The following CACNA1D variants were observed in gnomAD, a reference collection of about 807,000 sequenced individuals.
CACNA1D encodes the protein voltage-dependent L-type calcium channel subunit alpha-1D.
Under a neutral mutation model 257.1 loss-of-function variants are expected in CACNA1D, and 55 were observed. The ratio of observed to expected loss-of-function variants is 0.21; its 90% CI spans 0.17 to 0.27. The LOEUF (loss-of-function observed/expected upper bound fraction) is 0.27, where lower values mean the gene tolerates loss of function less well. CACNA1D is among the 10% of genes least tolerant of loss of function. The pLI is 1.00. For synonymous variants in CACNA1D, 980 were observed against 1,014.9 expected, an observed-to-expected ratio of 0.97 and a Z score of 0.65; for missense variants, 1,876 against 2,784.0, an observed-to-expected ratio of 0.67 and a Z score of 7.34.
intron 46 of CACNA1D, 113 bp downstream of exon 46, chr3:53,808,883 T>G (rs2095581445): frequency 4.7e-6 from 5 of 1,062,480 alleles, no homozygotes; most frequent in Non-Finnish European, 7.0e-6. Flanking sequence ...GAGAGAATCT[T>G]CACCTACAGT....
intron 3 of CACNA1D, among the ~76,000 whole-genome samples, chr3:53,547,471 G>A (rs929687424): frequency 1.3e-5 from 2 of 152,192 alleles, no homozygotes; most frequent in African/African-American, 2.4e-5. Flanking sequence ...GAGAGACTTG[G>A]TCCCCTCATC....
chr3:53,792,160 T>TC (rs2095486630), intron 40 of CACNA1D: 2 of 152,168 alleles, frequency 1.3e-5, no homozygotes. Flanking sequence ...GAAGGAAAAT[T>TC]CCCCCCTTTT....
intron 40 of CACNA1D, among the ~76,000 whole-genome samples, chr3:53,792,790 G>T (rs2106664742): frequency 6.6e-6 from 1 of 152,252 alleles, no homozygotes. Flanking sequence ...ATTTGCCCTT[G>T]GCTGCAGTCC....
chr3:53,616,486 A>G (rs1438435676), intron 3 of CACNA1D, among the ~76,000 whole-genome samples: 1 of 152,186 alleles, frequency 6.6e-6, no homozygotes, highest in Non-Finnish European at 1.5e-5. Context: ...TCTGCCATCC[A>G]AACAGATGCA....
At chr3:53,803,395 G>A in intron 43 of CACNA1D, 28 bp from the exon 44 acceptor site, 2 of 1,613,944 alleles carry the variant, frequency 1.2e-6, no homozygotes, top group South Asian at 2.2e-5. Context: ...GCCTGCCCAG[G>A]TTCTCAGATC....
intron 37 of CACNA1D, among the ~76,000 whole-genome samples, chr3:53,778,216 C>T (rs1313418101): frequency 6.6e-6 from 1 of 152,052 alleles, no homozygotes; most frequent in Admixed American, 6.5e-5. Context: ...TTTCCATAAA[C>T]TTCCCAGTAC....
chr3:53,802,006 G>C (rs1282027139), intron 42 of CACNA1D, 141 bp from the exon 43 acceptor site: 2 of 785,280 alleles, frequency 2.5e-6, no homozygotes, highest in East Asian at 2.4e-5. Flanking sequence ...TACAAGGCCA[G>C]GTGGCAGCCC....
intron 3 of CACNA1D, among the ~76,000 whole-genome samples, chr3:53,512,016 TTA>T (rs1413525568): frequency 6.6e-6 from 1 of 152,234 alleles, no homozygotes. Context: ...GAAACACTGT[TTA>T]TATTTAAATG....
chr3:53,732,044 A>G lies in CACNA1D; in HGVS notation c.2435A>G (p.Asp812Gly). 6.2e-7 allele frequency: 1 copy of G among 1,612,416 alleles called. No individual in the cohort carries two copies. Among genetic ancestry groups the G allele is most frequent in the Non-Finnish European group, 8.5e-7 (1 of 1,178,368 alleles). The change falls in exon 18 of 48, where the codon GAT (aspartate) becomes GGT (glycine). Residue 812 changes from aspartate to glycine, a missense_variant. By Grantham distance (94) the Asp-to-Gly change is moderately conservative. Transcript: ENST00000350061. The part of the protein sequence containing the change: ...KVTIDDYREE[D>G]EDKDPYPPCD... Reference sequence around the variant, plus strand: ...ACAATTGATGACTATAGAGAAGAGGATGAAGACAAGGACCCCTATCCGCCT... The same window carrying G: ...ACAATTGATGACTATAGAGAAGAGGGTGAAGACAAGGACCCCTATCCGCCT...
intron 3 of CACNA1D, among the ~76,000 whole-genome samples, chr3:53,581,656 A>C (rs1046294290): frequency 2.6e-5 from 4 of 152,218 alleles, no homozygotes; most frequent in African/African-American, 9.7e-5. Context: ...CTGAGTTATA[A>C]TCTAATGTTC....
chr3:53,676,191 T>G (rs553814294), intron 8 of CACNA1D, among the ~76,000 whole-genome samples: 1 of 152,244 alleles, frequency 6.6e-6, no homozygotes, highest in Admixed American at 6.5e-5. Flanking sequence ...AGAGGCTCTG[T>G]GAGCTGCACT....
intron 3 of CACNA1D, among the ~76,000 whole-genome samples, chr3:53,641,644 T>C (rs976660854): frequency 6.6e-6 from 1 of 152,144 alleles, no homozygotes. Context: ...TCAGAGTCCA[T>C]GTCCCTGGGA....
In CACNA1D at chr3:53,774,524, A is replaced by G; in HGVS notation, c.4111-63A>G. ...TCAAACCTGAGTTAGTTCTAAATTC[A>G]CATACGGATTTTTTTTGCATGACGA... On this transcript the variant is annotated intron_variant, in intron 33 of 47. Coordinates refer to ENST00000350061, the MANE Select transcript of CACNA1D (RefSeq NM_001128840.3). This position sits in a 1 kb window ranked among gnomAD's most constrained non-coding sequence, Gnocchi z 4.3. 1 of 978,290 alleles carries G rather than the reference A, an allele frequency of 1.0e-6. No homozygotes were observed. The highest frequency in any genetic ancestry group is 1.7e-6 in the Non-Finnish European group (1 of 600,128). 60.6% of individuals were successfully genotyped at this position (978,290 alleles called of 1,614,324 possible).
At chr3:53,726,564 GA>G (rs2094936882) in intron 14 of CACNA1D, among the ~76,000 whole-genome samples, 2 of 152,194 alleles carry the variant, frequency 1.3e-5, no homozygotes, top group African/African-American at 4.8e-5. Flanking sequence ...TTGAACCGGG[GA>G]GGTGGAGGTT....
At position 53,580,376 on chromosome 3, in the gene CACNA1D, G is replaced by A. The variant is rs777877923; in HGVS notation, c.484-70403G>A. Among the ~76,000 whole-genome samples, 16 of 152,336 alleles carry A rather than the reference G, an allele frequency of 1.1e-4. No individual in the cohort carries two copies. In the East Asian group the frequency reaches 2.9e-3, roughly 27 times the overall value. ...GCCAGTGCTCGCCGCCAGGTAGTTA[G>A]GTGTGTCTTTTACAATGTTTAGCAC... On this transcript the variant is annotated intron_variant, in intron 3 of 47. Coordinates refer to ENST00000350061, the MANE Select transcript of CACNA1D (RefSeq NM_001128840.3).
At chr3:53,601,245 T>C (rs1004565386) in intron 3 of CACNA1D, among the ~76,000 whole-genome samples, 2 of 152,354 alleles carry the variant, frequency 1.3e-5, no homozygotes, top group Admixed American at 6.5e-5. Context: ...CCCATCAGCA[T>C]GGCTTACTCA....
Position 53,726,936 on chromosome 3 carries a change from G to A in CACNA1D, c.2158G>A (p.Gly720Ser), listed in dbSNP as rs1329239918. 13 of 1,613,986 alleles carry A rather than the reference G, an allele frequency of 8.1e-6. No individual in the cohort carries two copies. The highest frequency in any genetic ancestry group is 1.7e-5 in the Admixed American group (1 of 60,004). The part of the protein sequence containing the change: ...VMYDGIMAYG[G>S]PSSSGMIVCI... ...GTACGATGGCATCATGGCTTACGGG[G>A]GCCCATCCTCTTCAGGAATGATCGT... The change falls in exon 15 of 48, where the codon GGC becomes AGC. Residue 720 changes from glycine (G) to serine (S), a missense_variant. By Grantham distance (56) the Gly-to-Ser change is moderately conservative. This residue lies in a region of CACNA1D where 257 missense variants were observed against 399.7 expected (regional missense o/e 0.64). Coordinates refer to ENST00000350061, the MANE Select transcript of CACNA1D (RefSeq NM_001128840.3).
At chr3:53,648,328 G>A (rs1214086435) in intron 3 of CACNA1D, among the ~76,000 whole-genome samples, 2 of 152,150 alleles carry the variant, frequency 1.3e-5, no homozygotes, top group Non-Finnish European at 2.9e-5. Context: ...TGCCTTTGGT[G>A]GTCAGGGTCT....
At chr3:53,753,790 C>G in intron 29 of CACNA1D, 108 bp downstream of exon 29, 1 of 745,756 alleles carries the variant, frequency 1.3e-6, no homozygotes, top group Non-Finnish European at 2.5e-6. Context: ...GTTCTGGCCG[C>G]TAACTGGGTT....
Sources: gnomAD v4.1 joint callset for allele counts (sites outside exome capture counted in the v4.1 genomes callset) on GRCh38, gnomAD v4.1.1 for gene constraint, gnomAD v4.1.1 regional missense constraint, Gnocchi (gnomAD v3.1) non-coding constraint, MANE v1.5 for transcripts, NCBI Gene and HGNC (gene_info 2026-07-23, HGNC 2026-07-21) for gene names.